EXOC6B: variants seen among roughly 807,000 people sequenced by gnomAD.
EXOC6B encodes the protein SEC15 homolog B.
Under a neutral mutation model 113.5 loss-of-function variants are expected in EXOC6B, and 54 were observed. That is an observed-to-expected ratio of 0.48 (90% CI 0.38 to 0.60). The LOEUF is 0.60. EXOC6B is among the 20% of genes least tolerant of loss of function. The probability of loss-of-function intolerance (pLI) is 0.00; values close to 1 mark genes in which losing one functional copy is unlikely to be tolerated. For missense variants in EXOC6B, 797 were observed against 977.5 expected (o/e 0.82, Z 2.46); for synonymous variants, 357 against 339.0 (o/e 1.05, Z -0.58).
At chr2:72,329,624 A>C (rs987163987) in intron 20 of EXOC6B, among the ~76,000 whole-genome samples, 1 of 152,048 alleles carries the variant, frequency 6.6e-6, no homozygotes, top group African/African-American at 2.4e-5. Context: ...GGAACACATA[A>C]TATTCACTAG....
At chr2:72,466,471 C>T (rs1698065835) in intron 17 of EXOC6B, among the ~76,000 whole-genome samples, 1 of 152,040 alleles carries the variant, frequency 6.6e-6, no homozygotes, top group African/African-American at 2.4e-5. Flanking sequence ...TCTTAAATTC[C>T]ATTCTTTCCT....
intron 20 of EXOC6B, among the ~76,000 whole-genome samples, chr2:72,283,279 T>A (rs1312523288): frequency 6.6e-6 from 1 of 152,110 alleles, no homozygotes; most frequent in Non-Finnish European, 1.5e-5. Flanking sequence ...CAGATCTGTA[T>A]GAGAGGAGCT....
chr2:72,182,776 G>T, intron 21 of EXOC6B: 1 of 681,228 alleles, frequency 1.5e-6, no homozygotes, highest in Non-Finnish European at 2.1e-6. Flanking sequence ...AGATTAGTAT[G>T]TCAGGGCGGG....
chr2:72,516,243 TTTA>T (rs1701206043), intron 8 of EXOC6B, among the ~76,000 whole-genome samples: 1 of 151,978 alleles, frequency 6.6e-6, no homozygotes, highest in African/African-American at 2.4e-5. Flanking sequence ...TTCTTCTACT[TTTA>T]TTTTTACTTT....
intron 18 of EXOC6B, among the ~76,000 whole-genome samples, chr2:72,442,665 T>C (rs1696280993): frequency 6.6e-6 from 1 of 152,034 alleles, no homozygotes; most frequent in Middle Eastern, 3.2e-3. Flanking sequence ...ATAAAATACC[T>C]AGGAATACAG....
rs1704914721 is a variant in EXOC6B at position 72,577,020 on chromosome 2, T to C, written c.670-1352A>G. ...GTATAAAAAGTTAGTCCAGGAATGGTGAAATGAGACAATTATAACAAGGCA... is the reference window on the plus strand; with the variant it reads ...GTATAAAAAGTTAGTCCAGGAATGGCGAAATGAGACAATTATAACAAGGCA... On this transcript the variant is annotated intron_variant, in intron 6 of 21. Coordinates refer to ENST00000272427, the MANE Select transcript of EXOC6B (RefSeq NM_015189.3). Among the ~76,000 whole-genome samples, 3 of 152,164 alleles carry C rather than the reference T, an allele frequency of 2.0e-5. No individual in the cohort carries two copies. In the South Asian group the frequency reaches 6.2e-4, roughly 32 times the overall value.
In EXOC6B at chr2:72,576,044, C is replaced by T. The variant is rs190242512; in HGVS notation, c.670-376G>A. 3.7e-3 allele frequency among the ~76,000 whole-genome samples: 565 copies of T among 152,154 alleles called. 2 individuals are homozygous for T. Among genetic ancestry groups the T allele is most frequent in the African/African-American group, 0.012 (518 of 41,532 alleles). ...TAGTAGGCCAGGAGATTAGTGCAAACGCCTAGCATTTATCTCTTACAAGAA... is the reference window on the plus strand; with the variant it reads ...TAGTAGGCCAGGAGATTAGTGCAAATGCCTAGCATTTATCTCTTACAAGAA... On this transcript the variant is annotated intron_variant, in intron 6 of 21. Transcript: ENST00000272427.
At chr2:72,405,322 C>A (rs1251297172) in intron 18 of EXOC6B, among the ~76,000 whole-genome samples, 1 of 152,096 alleles carries the variant, frequency 6.6e-6, no homozygotes, top group African/African-American at 2.4e-5. Context: ...GCAAGGCAGG[C>A]CAGCATTCAA....
At chr2:72,454,337 CA>C (rs1289518946) in intron 18 of EXOC6B, among the ~76,000 whole-genome samples, 1 of 151,972 alleles carries the variant, frequency 6.6e-6, no homozygotes, top group Non-Finnish European at 1.5e-5. Flanking sequence ...GACCCCATCT[CA>C]ACAAAAAAAT....
At chr2:72,649,201 T>C (rs1673973696) in intron 6 of EXOC6B, among the ~76,000 whole-genome samples, 1 of 152,030 alleles carries the variant, frequency 6.6e-6, no homozygotes, top group Admixed American at 6.6e-5. Flanking sequence ...TACCACAGGC[T>C]GGGAATGGTA....
chr2:72,709,709 T>G (rs1044887033), intron 6 of EXOC6B, among the ~76,000 whole-genome samples: 2 of 152,144 alleles, frequency 1.3e-5, no homozygotes, highest in Admixed American at 1.3e-4. Context: ...TCTTTGTTTT[T>G]GTATTTTGGA....
chr2:72,772,483 C>T (rs914551082), intron 1 of EXOC6B, among the ~76,000 whole-genome samples: 11 of 152,140 alleles, frequency 7.2e-5, no homozygotes, highest in Non-Finnish European at 1.0e-4. Flanking sequence ...TGGAAAGAGA[C>T]GCCAAGACTG....
At chr2:72,491,601 G>A (rs1405935463) in intron 16 of EXOC6B, among the ~76,000 whole-genome samples, 1 of 152,006 alleles carries the variant, frequency 6.6e-6, no homozygotes. Context: ...AGGTTACTAC[G>A]CAATCTTGAG....
At chr2:72,769,603 G>A (rs1683293979) in intron 1 of EXOC6B, among the ~76,000 whole-genome samples, 1 of 152,224 alleles carries the variant, frequency 6.6e-6, no homozygotes, top group African/African-American at 2.4e-5. Context: ...CCTGAGGTCA[G>A]GAATTCGAGA....
At chr2:72,728,024 A>G (rs1252114266) in intron 5 of EXOC6B, among the ~76,000 whole-genome samples, 4 of 152,166 alleles carry the variant, frequency 2.6e-5, no homozygotes, top group South Asian at 2.1e-4. Context: ...CACAATAGTG[A>G]TCTATCATTT....
chr2:72,456,251 A>G (rs1289273057), intron 18 of EXOC6B, among the ~76,000 whole-genome samples: 1 of 152,182 alleles, frequency 6.6e-6, no homozygotes, highest in African/African-American at 2.4e-5. Flanking sequence ...AGAAAGACCA[A>G]TTCAGAATTT....
intron 19 of EXOC6B, among the ~76,000 whole-genome samples, chr2:72,350,387 T>G (rs1032277582): frequency 2.6e-5 from 4 of 152,164 alleles, no homozygotes; most frequent in Non-Finnish European, 5.9e-5. Flanking sequence ...AAAACAATGA[T>G]CTAACATCCA....
At chr2:72,389,936 A>G (rs760860961) in intron 18 of EXOC6B, among the ~76,000 whole-genome samples, 15 of 152,242 alleles carry the variant, frequency 9.9e-5, no homozygotes, top group South Asian at 2.1e-4. Flanking sequence ...AGGCAGTTAG[A>G]CAAGACATAC....
intron 1 of EXOC6B, among the ~76,000 whole-genome samples, chr2:72,789,747 T>C (rs1684573361): frequency 6.6e-6 from 1 of 152,118 alleles, no homozygotes; most frequent in African/African-American, 2.4e-5. Flanking sequence ...AAAATGTATA[T>C]AGATAAGTAA....
Sources: allele counts gnomAD v4.1 joint callset (sites outside exome capture counted in the v4.1 genomes callset), GRCh38; gene constraint gnomAD v4.1.1; transcripts MANE v1.5; gene names NCBI Gene and HGNC (gene_info 2026-07-23, HGNC 2026-07-21).